The following TOMM70 variants were observed in gnomAD, a reference collection of about 807,000 sequenced individuals.
TOMM70 encodes translocase of outer mitochondrial membrane 70.
In TOMM70, 13 loss-of-function variants were observed where a neutral mutation model predicts 73.6. The ratio of observed to expected loss-of-function variants is 0.18; its 90% CI spans 0.11 to 0.28. The LOEUF (loss-of-function observed/expected upper bound fraction) is 0.28, where lower values mean the gene tolerates loss of function less well. Among genes scored for constraint, TOMM70 ranks in the 10% least tolerant of loss-of-function variants. The pLI is 1.00. For synonymous variants in TOMM70, 257 were observed against 271.2 expected (o/e 0.95, Z 0.51); for missense variants, 609 against 747.5 (o/e 0.81, Z 2.16).
In TOMM70 at chr3:100,400,981, T is replaced by C. The variant is rs1464752221; in HGVS notation, c.-32A>G. 3 of 1,523,874 alleles carry C rather than the reference T, an allele frequency of 2.0e-6. No individual in the cohort carries two copies. Among genetic ancestry groups the C allele is most frequent in the Non-Finnish European group, 1.8e-6 (2 of 1,140,730 alleles). The allele number at this position is 1,523,874 out of a possible 1,614,324, so 94.4% of individuals were successfully genotyped here. The stretch of plus-strand genomic sequence containing the variant: ...TGTCCTCTGCCACCGCCTCCCTGTC[T>C]GTCGCGAGCGCCACAATCACCAAAC... On this transcript the variant is annotated 5_prime_UTR_variant, in exon 1 of 12. Coordinates refer to ENST00000284320, the MANE Select transcript of TOMM70 (RefSeq NM_014820.5).
chr3:100,390,882 G>GT (rs1215892306), intron 1 of TOMM70, among the ~76,000 whole-genome samples: 1 of 152,072 alleles, frequency 6.6e-6, no homozygotes, highest in Admixed American at 6.6e-5. Context: ...GCTCACGCTT[G>GT]TAATTCCAGC....
chr3:100,368,182 A>T lies in TOMM70; in HGVS notation c.1551-16T>A, dbSNP rs534572769. On this transcript the variant is annotated splice_polypyrimidine_tract_variant and intron_variant, in intron 10 of 11. Coordinates refer to ENST00000284320, the MANE Select transcript of TOMM70 (RefSeq NM_014820.5). ...TTGAAGTAAACTGCAAATGCAAAAA[A>T]ATGTCAGATGTGACCATGGCCCAGT... The T allele has an allele frequency of 2.9e-5, 47 of 1,610,060 alleles. No homozygotes were observed. The highest frequency in any genetic ancestry group is 3.6e-5 in the Non-Finnish European group (43 of 1,178,600).
intron 1 of TOMM70, among the ~76,000 whole-genome samples, chr3:100,388,686 A>G (rs932161511): frequency 2.6e-5 from 4 of 152,214 alleles, no homozygotes; most frequent in Non-Finnish European, 5.9e-5. Context: ...ACTCAAATAT[A>G]AAAGTAGTAT....
chr3:100,365,499 CT>C lies in TOMM70; in HGVS notation c.*64del. 1 of 1,602,240 alleles carries C rather than the reference CT, an allele frequency of 6.2e-7. No individual in the cohort carries two copies. Among genetic ancestry groups the C allele is most frequent in the Non-Finnish European group, 8.5e-7 (1 of 1,171,730 alleles). On this transcript the variant is annotated 3_prime_UTR_variant, in exon 12 of 12. Coordinates refer to ENST00000284320, the MANE Select transcript of TOMM70 (RefSeq NM_014820.5). ...CATTCAACACAGTTCATGACAGTGT[CT>C]TTAGGGTTCAGTTGAAGAGGGGGTA...
chr3:100,390,121 A>G (rs548846769), intron 1 of TOMM70, among the ~76,000 whole-genome samples: 1 of 152,350 alleles, frequency 6.6e-6, no homozygotes, highest in South Asian at 2.1e-4. Context: ...CATTAAAGTT[A>G]AAGACAAACA....
At chr3:100,393,007 T>G (rs1706780510) in intron 1 of TOMM70, among the ~76,000 whole-genome samples, 1 of 151,506 alleles carries the variant, frequency 6.6e-6, no homozygotes, top group African/African-American at 2.4e-5. Flanking sequence ...AGAAACCCCA[T>G]CTCTACTAAA....
intron 3 of TOMM70, 114 bp from the exon 4 acceptor site, chr3:100,384,702 G>A: frequency 3.3e-6 from 2 of 605,264 alleles, no homozygotes; most frequent in South Asian, 6.7e-5. Context: ...TGGCCAAATG[G>A]GACTGTTTCA....
intron 6 of TOMM70, among the ~76,000 whole-genome samples, chr3:100,376,493 A>G (rs1470964584): frequency 6.6e-6 from 1 of 151,328 alleles, no homozygotes; most frequent in Non-Finnish European, 1.5e-5. Flanking sequence ...CCTCCTGAGT[A>G]GCTATGACTA....
chr3:100,393,449 G>T (rs1245434002), intron 1 of TOMM70, among the ~76,000 whole-genome samples: 1 of 151,448 alleles, frequency 6.6e-6, no homozygotes, highest in Admixed American at 6.6e-5. Flanking sequence ...CTCAGAGGAG[G>T]GGGGTGGCAG....
At chr3:100,366,917 T>C (rs566039611) in intron 11 of TOMM70, among the ~76,000 whole-genome samples, 3 of 152,204 alleles carry the variant, frequency 2.0e-5, no homozygotes, top group African/African-American at 4.8e-5. Flanking sequence ...ATTAACAAAT[T>C]AGCAATTAAG....
At chr3:100,384,705 C>T in intron 3 of TOMM70, 117 bp from the exon 4 acceptor site, 1 of 598,260 alleles carries the variant, frequency 1.7e-6, no homozygotes, top group Non-Finnish European at 2.7e-6. Context: ...CCAAATGGGA[C>T]TGTTTCATTT....
At chr3:100,367,316 A>T (rs367775164) in intron 11 of TOMM70, among the ~76,000 whole-genome samples, 1 of 152,162 alleles carries the variant, frequency 6.6e-6, no homozygotes, top group Non-Finnish European at 1.5e-5. Flanking sequence ...TATTCTGCCT[A>T]CTGTAGAGCA....
chr3:100,380,719 C>T (rs967507685), intron 5 of TOMM70, among the ~76,000 whole-genome samples: 1 of 152,182 alleles, frequency 6.6e-6, no homozygotes, highest in Non-Finnish European at 1.5e-5. Flanking sequence ...ACATCTTAAA[C>T]ATTTAATTCC....
At chr3:100,396,487 T>C (rs1451635860) in intron 1 of TOMM70, among the ~76,000 whole-genome samples, 1 of 152,172 alleles carries the variant, frequency 6.6e-6, no homozygotes. Flanking sequence ...AATAAGTGCA[T>C]TTTTCTAGAA....
At chr3:100,391,140 C>CA (rs372038170) in intron 1 of TOMM70, among the ~76,000 whole-genome samples, 13 of 144,584 alleles carry the variant, frequency 9.0e-5, no homozygotes, top group East Asian at 2.0e-4. Flanking sequence ...GACTCCGTCT[C>CA]AAAAAAAAAA....
At chr3:100,369,275 T>C (rs1390659080) in intron 9 of TOMM70, 140 bp from the exon 10 acceptor site, 1 of 645,348 alleles carries the variant, frequency 1.5e-6, no homozygotes, top group Admixed American at 3.0e-5. Context: ...CTGATTTACA[T>C]TTTACATCTT....
At position 100,373,660 on chromosome 3, in the gene TOMM70, C is replaced by T. The variant is rs772838462; in HGVS notation, c.1228-15G>A. 24 of 1,568,420 alleles carry T rather than the reference C, an allele frequency of 1.5e-5. No individual in the cohort carries two copies. The highest frequency in any genetic ancestry group is 6.9e-5 in the East Asian group (3 of 43,218). Reference sequence around the variant, plus strand: ...AGTATTTTCAGCTAAGAAAAAAATACGTAAATAAATGTAATTCAACTAGTC... The same window carrying T: ...AGTATTTTCAGCTAAGAAAAAAATATGTAAATAAATGTAATTCAACTAGTC... On this transcript the variant is annotated splice_polypyrimidine_tract_variant and intron_variant, in intron 7 of 11. Transcript: ENST00000284320.
intron 3 of TOMM70, among the ~76,000 whole-genome samples, chr3:100,385,719 G>A (rs560487781): frequency 2.1e-4 from 32 of 152,120 alleles, no homozygotes; most frequent in Non-Finnish European, 3.4e-4. Flanking sequence ...TTTCCAATTA[G>A]GTGTAAATTA....
rs1706440041 is a variant in TOMM70, at chr3:100,365,560, TG to T, written c.*3del. On this transcript the variant is annotated 3_prime_UTR_variant, in exon 12 of 12. Coordinates refer to ENST00000284320, the MANE Select transcript of TOMM70 (RefSeq NM_014820.5). ...AAAGAGGGTCAGTCTGCTTTCCCCC[TG>T]TTTTATAATGTTGGTGGTTTTAATC... is the stretch of plus-strand genomic sequence containing the variant. 1.2e-6 allele frequency: 2 copies of T among 1,613,738 alleles called. No homozygotes were observed. The highest frequency in any genetic ancestry group is 2.2e-5 in the South Asian group (2 of 90,996).
Sources: gnomAD v4.1 joint callset for allele counts (sites outside exome capture counted in the v4.1 genomes callset) on GRCh38, gnomAD v4.1.1 for gene constraint, MANE v1.5 for transcripts, NCBI Gene and HGNC (gene_info 2026-07-23, HGNC 2026-07-21) for gene names.